PSMC2: variants seen among roughly 807,000 people sequenced by gnomAD.
PSMC2 encodes the protein proteasome 26S subunit, ATPase 2, also known as 26S proteasome regulatory subunit 7.
PSMC2 carries 7 observed loss-of-function variants against 53.3 expected under a neutral mutation model. The observed-to-expected ratio is 0.13, with a 90% CI of 0.07 to 0.25. The LOEUF is 0.25. Ranked by LOEUF, PSMC2 falls within the 10% of genes least tolerant of loss-of-function variation. The pLI, the probability that PSMC2 is intolerant of heterozygous loss-of-function variation, is 1.00. For synonymous variants in PSMC2, 169 were observed against 183.9 expected (o/e 0.92, Z 0.66); for missense variants, 241 against 544.0 (o/e 0.44, Z 5.54).
chr7:103,365,700 C>T (rs1248971040), intron 8 of PSMC2, among the ~76,000 whole-genome samples: 2 of 151,942 alleles, frequency 1.3e-5, no homozygotes, highest in African/African-American at 2.4e-5. Flanking sequence ...GAGGCTGAGA[C>T]GGGTGGAACA....
intron 1 of PSMC2, chr7:103,348,565 T>G: frequency 1.2e-6 from 1 of 814,508 alleles, no homozygotes; most frequent in Non-Finnish European, 2.2e-6. Flanking sequence ...TATAAAACAA[T>G]GAGTACCTTT....
chr7:103,354,328 G>A (rs1314894506), intron 2 of PSMC2, among the ~76,000 whole-genome samples: 1 of 150,806 alleles, frequency 6.6e-6, no homozygotes, highest in Non-Finnish European at 1.5e-5. Context: ...AAGTTTTAAT[G>A]CATAGAAATC....
chr7:103,347,640 G>A (rs1819631566), upstream of PSMC2: 14 of 1,566,158 alleles, frequency 8.9e-6, no homozygotes, highest in Admixed American at 1.7e-5. Flanking sequence ...GGAAGGGAAA[G>A]GGAAGACACC....
At chr7:103,365,947 A>C in intron 8 of PSMC2, 129 bp from the exon 9 acceptor site, 1 of 738,016 alleles carries the variant, frequency 1.4e-6, no homozygotes, top group Non-Finnish European at 2.2e-6. Flanking sequence ...AAAAAATAAA[A>C]AACGTTTAGG....
intron 4 of PSMC2, among the ~76,000 whole-genome samples, chr7:103,360,187 A>G (rs1586158292): frequency 6.6e-6 from 1 of 152,184 alleles, no homozygotes; most frequent in Non-Finnish European, 1.5e-5. Context: ...AATGTCATAC[A>G]TAAGGGAAAA....
intron 6 of PSMC2, 36 bp downstream of exon 6, chr7:103,362,794 CTTTTTTTTT>C: frequency 3.6e-6 from 3 of 839,780 alleles, no homozygotes; most frequent in Non-Finnish European, 3.5e-6. Context: ...AAGGCTATGT[CTTTTTTTTT>C]TTTTTTTTTT....
chr7:103,360,554 T>C (rs1319491735), intron 4 of PSMC2, among the ~76,000 whole-genome samples: 1 of 152,192 alleles, frequency 6.6e-6, no homozygotes, highest in Admixed American at 6.5e-5. Context: ...CCACCACACC[T>C]GGCTAAGCCA....
chr7:103,364,764 T>C (rs936266670), intron 8 of PSMC2, among the ~76,000 whole-genome samples: 4 of 152,004 alleles, frequency 2.6e-5, no homozygotes, highest in African/African-American at 9.7e-5. Flanking sequence ...TTTGTGGTCA[T>C]TTGGAGATAG....
chr7:103,362,164 G>C, intron 5 of PSMC2, 76 bp downstream of exon 5: 1 of 1,583,840 alleles, frequency 6.3e-7, no homozygotes, highest in East Asian at 2.3e-5. Context: ...TGGCTTTGTA[G>C]TGAATAAATG....
intron 2 of PSMC2, 35 bp downstream of exon 2, chr7:103,353,993 T>C: frequency 6.7e-7 from 1 of 1,483,902 alleles, no homozygotes; most frequent in Non-Finnish European, 9.1e-7. Context: ...CTATAGATGT[T>C]TTATGTTGAA....
In PSMC2 at chr7:103,354,617, G is replaced by A. The variant is rs113765673; in HGVS notation, c.109-251G>A. ...ATTATTGACCTCAGGTGATCCACCCGCCTCCGCCCCCTAAAGTGCAGGGAT... is the reference window on the plus strand; with the variant it reads ...ATTATTGACCTCAGGTGATCCACCCACCTCCGCCCCCTAAAGTGCAGGGAT... On this transcript the variant is annotated intron_variant, in intron 2 of 11. Coordinates refer to ENST00000292644, the MANE Select transcript of PSMC2 (RefSeq NM_002803.4). 6.6e-5 allele frequency among the ~76,000 whole-genome samples: 10 copies of A among 152,024 alleles called. No homozygotes were observed. In the South Asian group the frequency reaches 1.7e-3, roughly 25 times the overall value.
chr7:103,365,042 T>C (rs948340564), intron 8 of PSMC2, among the ~76,000 whole-genome samples: 8 of 149,338 alleles, frequency 5.4e-5, no homozygotes, highest in Non-Finnish European at 1.0e-4. Context: ...ATGATTCGTA[T>C]ATTTACAATA....
chr7:103,361,510 CAAAAAAAA>C (rs759044767), intron 4 of PSMC2, among the ~76,000 whole-genome samples: 14 of 51,102 alleles, frequency 2.7e-4, no homozygotes, highest in African/African-American at 7.1e-4. Context: ...AACTCCATCT[CAAAAAAAA>C]AAAAAAAAAA....
rs752847513 is a variant in PSMC2, at chr7:103,354,365, ATTTTTT to A, written c.108+422_108+427del. 8.2e-5 allele frequency among the ~76,000 whole-genome samples: 11 copies of A among 134,548 alleles called. No homozygotes were observed. The South Asian group carries it at 2.1e-3, about 26-fold the overall frequency. The allele number at this position is 134,548 out of a possible 152,430, so 88.3% of individuals were successfully genotyped here. On this transcript the variant is annotated intron_variant, in intron 2 of 11. Transcript: ENST00000292644. ...ATAGTTTTGCATAATTTCACACACG[ATTTTTT>A]TTTTTTTTTTTTTTGAAACGGAGTG...
At chr7:103,347,541 C>T, upstream of PSMC2, 1 of 653,212 alleles carries the variant, frequency 1.5e-6, no homozygotes, top group East Asian at 2.9e-5. Context: ...GTCCAAAAAC[C>T]AGCGTGCCAA....
chr7:103,358,892 G>C (rs1248498812), intron 4 of PSMC2, among the ~76,000 whole-genome samples: 2 of 151,814 alleles, frequency 1.3e-5, no homozygotes, highest in East Asian at 1.9e-4. Context: ...AGAAAGCAAA[G>C]ATTATTTTGA....
Position 103,347,737 on chromosome 7 carries a change from A to C in PSMC2, c.26A>C (p.Gln9Pro). The C allele has an allele frequency of 6.2e-7, 1 of 1,613,990 alleles. No homozygotes were observed. Among genetic ancestry groups the C allele is most frequent in the Non-Finnish European group, 8.5e-7 (1 of 1,179,864 alleles). MPDYLGAD[Q>P]RKTKEDEKDD... is the part of the protein sequence containing the mutation. ...ATGCCGGATTACCTCGGTGCCGATC[A>C]GCGGAAGACCAAAGAGGATGAGAAG... Residue 9 changes from glutamine (Q) to proline (P), a missense_variant, in exon 1 of 12, where the codon CAG becomes CCG. Gln to Pro is a moderately conservative substitution (Grantham distance 76). This residue lies in a region of PSMC2 where 70 missense variants were observed against 57.9 expected (regional missense o/e 1.21). Transcript: ENST00000292644.
chr7:103,354,885 T>C lies in PSMC2; in HGVS notation c.126T>C (p.Ser42=), dbSNP rs140442131. Residue 42 remains serine, a synonymous_variant, in exon 3 of 12, where the codon TCT becomes TCC. Coordinates refer to ENST00000292644, the MANE Select transcript of PSMC2 (RefSeq NM_002803.4). ...TCACCTAGGGTCAGAGCACTTACTC[T>C]AGGCAGATCAAGCAAGTTGAAGATG... ...LLKTYGQSTY[S]RQIKQVEDDI... is the part of the protein sequence containing the mutation. The C allele has an allele frequency of 2.5e-4, 405 of 1,612,908 alleles. No homozygotes were observed. The highest frequency in any genetic ancestry group is 3.3e-4 in the Non-Finnish European group (388 of 1,179,050).
chr7:103,352,407 CTTTTTT>C (rs781095017), intron 1 of PSMC2, among the ~76,000 whole-genome samples: 4 of 118,720 alleles, frequency 3.4e-5, no homozygotes, highest in Non-Finnish European at 7.0e-5. Flanking sequence ...AGATTATAAT[CTTTTTT>C]TTTTTTTTTT....
Sources: gnomAD v4.1 joint callset for allele counts (sites outside exome capture counted in the v4.1 genomes callset) on GRCh38, gnomAD v4.1.1 for gene constraint, gnomAD v4.1.1 regional missense constraint, MANE v1.5 for transcripts, NCBI Gene and HGNC (gene_info 2026-07-23, HGNC 2026-07-21) for gene names.